COL5A2: variants seen among roughly 807,000 people sequenced by gnomAD.
COL5A2 encodes the protein collagen type V alpha 2 chain.
COL5A2 carries 23 observed loss-of-function variants against 208.2 expected under a neutral mutation model. The observed-to-expected ratio is 0.11, with a 90% CI of 0.08 to 0.16. The LOEUF is 0.16. Ranked by LOEUF, COL5A2 falls within the 10% of genes least tolerant of loss-of-function variation. The pLI is 1.00. For synonymous variants in COL5A2, 625 were observed against 628.5 expected, an observed-to-expected ratio of 0.99 and a Z score of 0.08; for missense variants, 1,590 against 1,956.4, an observed-to-expected ratio of 0.81 and a Z score of 3.53.
chr2:189,194,494 C>G (rs2105849476), intron 1 of COL5A2, among the ~76,000 whole-genome samples: 1 of 152,238 alleles, frequency 6.6e-6, no homozygotes, highest in Admixed American at 6.5e-5. Flanking sequence ...TAACACTGTG[C>G]AAGGACTACT....
chr2:189,171,232 G>A (rs1035935421), intron 1 of COL5A2, among the ~76,000 whole-genome samples: 2 of 152,144 alleles, frequency 1.3e-5, no homozygotes, highest in African/African-American at 4.8e-5. Flanking sequence ...AGATCAGCAG[G>A]ATCTTGTATG....
rs1553526746 is a variant in COL5A2 at position 189,191,149 on chromosome 2, A to AAC, written c.-42+33998_-42+33999insGT. 1.7e-4 allele frequency among the ~76,000 whole-genome samples: 11 copies of AAC among 65,872 alleles called. 1 individual carries two copies. The highest frequency in any genetic ancestry group is 5.3e-4 in the Non-Finnish European group (10 of 18,710). The allele number at this position is 65,872 out of a possible 152,430, so 43.2% of individuals were successfully genotyped here. On this transcript the variant is annotated intron_variant, in intron 1 of 10. Coordinates refer to the COL5A2 transcript ENST00000649966. ...GAGATTAGGGAAACCATAAAAAAAA[A>AAC]AACAAAAAACAAACAAACAACAAAA...
At chr2:189,122,907 C>A (rs1476163629) in intron 1 of COL5A2, among the ~76,000 whole-genome samples, 4 of 151,962 alleles carry the variant, frequency 2.6e-5, no homozygotes, top group Non-Finnish European at 5.9e-5. Flanking sequence ...GAGGTAAAGC[C>A]ACGAGACACT....
chr2:189,197,122 C>A (rs750501744), intron 1 of COL5A2, among the ~76,000 whole-genome samples: 45 of 152,132 alleles, frequency 3.0e-4, no homozygotes, highest in Admixed American at 7.9e-4. Flanking sequence ...GGAATGAGAT[C>A]ATGTCCTTTG....
chr2:189,396,199 T>C, the COL5A2 span, among the ~76,000 whole-genome samples: 103 of 152,316 alleles, frequency 6.8e-4, no homozygotes, highest in South Asian at 9.5e-3. Context: ...AAGTGTGTGA[T>C]CTCAGACAAA....
chr2:189,305,005 A>C, the COL5A2 span, among the ~76,000 whole-genome samples: 1 of 152,204 alleles, frequency 6.6e-6, no homozygotes, highest in Non-Finnish European at 1.5e-5. Flanking sequence ...AAAAAAGAAA[A>C]CAAATATATT....
the COL5A2 span, among the ~76,000 whole-genome samples, chr2:189,366,532 T>C: frequency 6.6e-6 from 1 of 152,200 alleles, no homozygotes; most frequent in African/African-American, 2.4e-5. Flanking sequence ...TGGAGAACAC[T>C]GGTCCAAGTC....
At chr2:189,126,424 T>C (rs914848407) in intron 1 of COL5A2, among the ~76,000 whole-genome samples, 1 of 152,044 alleles carries the variant, frequency 6.6e-6, no homozygotes, top group Admixed American at 6.6e-5. Flanking sequence ...TTAAAGTTAT[T>C]AAAAATAAGT....
chr2:189,251,787 G>T, the COL5A2 span, among the ~76,000 whole-genome samples: 1 of 151,776 alleles, frequency 6.6e-6, no homozygotes, highest in Non-Finnish European at 1.5e-5. Flanking sequence ...AAAGAGCTTC[G>T]CACAGCAAAA....
intron 7 of COL5A2, among the ~76,000 whole-genome samples, chr2:189,091,057 A>C (rs1289330884): frequency 6.6e-6 from 1 of 152,238 alleles, no homozygotes; most frequent in Non-Finnish European, 1.5e-5. Flanking sequence ...TTATCATTCT[A>C]GGTGCCATTA....
the COL5A2 span, among the ~76,000 whole-genome samples, chr2:189,328,362 A>C: frequency 6.2e-3 from 944 of 152,262 alleles, 16 homozygotes; most frequent in African/African-American, 0.021. Context: ...CAGCAAGTAG[A>C]TACAGCTTTG....
chr2:189,064,628 C>T lies in COL5A2; in HGVS notation c.1645G>A (p.Gly549Ser), dbSNP rs778171609. The T allele has an allele frequency of 6.2e-7, 1 of 1,613,908 alleles. No individual in the cohort carries two copies. The highest frequency in any genetic ancestry group is 2.2e-5 in the East Asian group (1 of 44,846). Residue 549 changes from glycine to serine, a missense_variant, in exon 25 of 54, where the codon GGT becomes AGT. Physicochemically the swap from Gly to Ser is moderately conservative, Grantham distance 56. Coordinates refer to ENST00000374866, the MANE Select transcript of COL5A2 (RefSeq NM_000393.5). ...KGAQGERGPVGSSGPKGSQGD... is the reference protein window; with the variant it reads ...KGAQGERGPVSSSGPKGSQGD... ...TGGCTTCCTTTGGGTCCTGAAGAAC[C>T]TACAGGACCCCGTTCTCCTTGAGCA...
At chr2:189,392,011 A>G in the COL5A2 span, among the ~76,000 whole-genome samples, 1 of 152,262 alleles carries the variant, frequency 6.6e-6, no homozygotes, top group Non-Finnish European at 1.5e-5. Flanking sequence ...GTCCTTTATT[A>G]AAACATTTTG....
At chr2:189,302,157 GT>G in the COL5A2 span, among the ~76,000 whole-genome samples, 1 of 152,088 alleles carries the variant, frequency 6.6e-6, no homozygotes, top group Non-Finnish European at 1.5e-5. Context: ...AAATTAGTGT[GT>G]TTTAGGCAAA....
At chr2:189,307,052 T>C in the COL5A2 span, among the ~76,000 whole-genome samples, 2 of 152,326 alleles carry the variant, frequency 1.3e-5, no homozygotes, top group Admixed American at 6.5e-5. Flanking sequence ...TACAAATTAC[T>C]GGAAAAAAGT....
intron 16 of COL5A2, among the ~76,000 whole-genome samples, chr2:189,075,734 A>G (rs1427627304): frequency 6.6e-6 from 1 of 152,186 alleles, no homozygotes; most frequent in Non-Finnish European, 1.5e-5. Context: ...GAACTCAGAG[A>G]CAATGAAAAT....
intron 6 of COL5A2, among the ~76,000 whole-genome samples, chr2:189,092,764 A>T (rs553925943): frequency 2.6e-5 from 4 of 152,298 alleles, no homozygotes; most frequent in South Asian, 4.1e-4. Context: ...TATTTGATCA[A>T]CAATTATAAA....
rs1183830601 is a variant in COL5A2 at position 189,051,303 on chromosome 2, G to A, written c.2931+17C>T. ...ATCTCAGTTGAAGGTGGTCTGGAACGGATACGCCAAACTTACAGGTTGCCC... is the reference window on the plus strand; with the variant it reads ...ATCTCAGTTGAAGGTGGTCTGGAACAGATACGCCAAACTTACAGGTTGCCC... On this transcript the variant is annotated intron_variant, in intron 42 of 53. Coordinates refer to ENST00000374866, the MANE Select transcript of COL5A2 (RefSeq NM_000393.5). 21 of 1,613,830 alleles carry A rather than the reference G, an allele frequency of 1.3e-5. No individual in the cohort carries two copies. Among genetic ancestry groups the A allele is most frequent in the Admixed American group, 3.3e-5 (2 of 59,978 alleles).
chr2:189,053,337 G>A (rs886982753), intron 38 of COL5A2, 87 bp downstream of exon 38: 19 of 1,229,206 alleles, frequency 1.5e-5, no homozygotes, highest in African/African-American at 7.5e-5. Context: ...TCCAGAATAC[G>A]ACTTCAAAAC....
Sources: allele counts gnomAD v4.1 joint callset (sites outside exome capture counted in the v4.1 genomes callset), GRCh38; gene constraint gnomAD v4.1.1; transcripts MANE v1.5; gene names NCBI Gene and HGNC (gene_info 2026-07-23, HGNC 2026-07-21).